GPD2: variants seen among roughly 807,000 people sequenced by gnomAD.
GPD2 encodes glycerol-3-phosphate dehydrogenase, mitochondrial.
GPD2 carries 54 observed loss-of-function variants against 82.4 expected under a neutral mutation model. That is an observed-to-expected ratio of 0.66 (90% CI 0.53 to 0.82). The LOEUF is 0.82. GPD2 is among the 40% of genes least tolerant of loss of function. The pLI is 0.00. For missense variants in GPD2, 748 were observed against 896.2 expected, an observed-to-expected ratio of 0.83 and a Z score of 2.11; for synonymous variants, 288 against 306.1, an observed-to-expected ratio of 0.94 and a Z score of 0.62.
intron 1 of GPD2, among the ~76,000 whole-genome samples, chr2:156,445,902 T>C (rs903701065): frequency 6.6e-6 from 1 of 152,176 alleles, no homozygotes; most frequent in African/African-American, 2.4e-5. Flanking sequence ...GGCCTGAAAA[T>C]AGATACAAGC....
intron 1 of GPD2, among the ~76,000 whole-genome samples, chr2:156,449,228 T>C (rs1438902033): frequency 1.3e-5 from 2 of 152,198 alleles, no homozygotes; most frequent in Admixed American, 1.3e-4. Context: ...GGCGTCATTA[T>C]TTAACCTACT....
intron 3 of GPD2, among the ~76,000 whole-genome samples, chr2:156,508,283 A>G (rs1684858633): frequency 6.6e-6 from 1 of 151,916 alleles, no homozygotes; most frequent in Non-Finnish European, 1.5e-5. Context: ...ACAACATGAC[A>G]GCTTGCTTTA....
rs528201199 is a variant in GPD2 at position 156,562,432 on chromosome 2, A to G, written c.1165+4850A>G. 7.2e-5 allele frequency among the ~76,000 whole-genome samples: 11 copies of G among 152,264 alleles called. No homozygotes were observed. The East Asian group carries it at 1.9e-3, about 27-fold the overall frequency. On this transcript the variant is annotated intron_variant, in intron 9 of 16. Transcript: ENST00000438166. Reference sequence around the variant, plus strand: ...CATTAGTTTATAAATGTAATATGGTATCTTATTTCTGTGATTAACACTTCA... The same window carrying G: ...CATTAGTTTATAAATGTAATATGGTGTCTTATTTCTGTGATTAACACTTCA...
the GPD2 span, among the ~76,000 whole-genome samples, chr2:156,413,177 G>T: frequency 6.6e-6 from 1 of 152,036 alleles, no homozygotes; most frequent in African/African-American, 2.4e-5. Flanking sequence ...AAACTGCATA[G>T]AGCCAAAATA....
At chr2:156,552,747 T>C (rs1461852439) in intron 8 of GPD2, among the ~76,000 whole-genome samples, 4 of 152,182 alleles carry the variant, frequency 2.6e-5, no homozygotes, top group African/African-American at 9.7e-5. Context: ...GGGCAAACAT[T>C]CTGCTCCTTC....
intron 6 of GPD2, among the ~76,000 whole-genome samples, chr2:156,520,157 T>C (rs1685347018): frequency 6.6e-6 from 1 of 152,182 alleles, no homozygotes; most frequent in Non-Finnish European, 1.5e-5. Flanking sequence ...GCCACTCCAC[T>C]CCTCTGCCGG....
At chr2:156,400,741 A>G in the GPD2 span, among the ~76,000 whole-genome samples, 145 of 152,346 alleles carry the variant, frequency 9.5e-4, 2 homozygotes, top group South Asian at 0.011. Context: ...CTGAATGAGT[A>G]TGGACACCAG....
intron 2 of GPD2, among the ~76,000 whole-genome samples, chr2:156,495,144 T>G (rs1684319915): frequency 1.3e-5 from 2 of 151,960 alleles, no homozygotes; most frequent in African/African-American, 2.4e-5. Flanking sequence ...ATTCTAGGAG[T>G]TCGAGACCAC....
At chr2:156,454,831 C>T (rs191640994) in intron 1 of GPD2, among the ~76,000 whole-genome samples, 2 of 152,204 alleles carry the variant, frequency 1.3e-5, no homozygotes, top group African/African-American at 2.4e-5. Flanking sequence ...TACCATGTGG[C>T]AGCTCCTGTT....
intron 3 of GPD2, among the ~76,000 whole-genome samples, chr2:156,506,164 G>C (rs539483048): frequency 1.3e-5 from 2 of 152,248 alleles, no homozygotes; most frequent in South Asian, 4.1e-4. Flanking sequence ...GAAAATTAAA[G>C]AAAATTTTTA....
At chr2:156,411,492 T>C in the GPD2 span, among the ~76,000 whole-genome samples, 2 of 152,038 alleles carry the variant, frequency 1.3e-5, no homozygotes, top group African/African-American at 4.8e-5. Context: ...ATTTTTGTAT[T>C]TTTAGTAGAG....
chr2:156,579,993 G>T lies in GPD2; in HGVS notation c.2058+205G>T, dbSNP rs56137431. 2.6e-5 allele frequency among the ~76,000 whole-genome samples: 4 copies of T among 152,042 alleles called. No homozygotes were observed. The South Asian group carries it at 6.2e-4, about 24-fold the overall frequency. On this transcript the variant is annotated intron_variant, in intron 16 of 16. Coordinates refer to ENST00000438166, the MANE Select transcript of GPD2 (RefSeq NM_000408.5). ...TGGTGCATATTCTTTTCCTTTTTTT[G>T]TATAAGAAACATTCCATTATGTTGG...
intron 6 of GPD2, among the ~76,000 whole-genome samples, chr2:156,547,585 C>A (rs1022083215): frequency 6.6e-6 from 1 of 152,056 alleles, no homozygotes; most frequent in African/African-American, 2.4e-5. Flanking sequence ...GGGGAGTGGA[C>A]ATAGAAAAAC....
At chr2:156,478,820 A>C (rs1448235045) in intron 2 of GPD2, among the ~76,000 whole-genome samples, 1 of 152,164 alleles carries the variant, frequency 6.6e-6, no homozygotes, top group African/African-American at 2.4e-5. Flanking sequence ...TACCTACTGT[A>C]TTTTTGTATT....
In GPD2 at chr2:156,559,203, T is replaced by C. The variant is rs547463954; in HGVS notation, c.1165+1621T>C. ...GTTTGTATATCACAACATTATATTA[T>C]AGGTAATAGTCCAAGATGTATTCTC... On this transcript the variant is annotated intron_variant, in intron 9 of 16. Coordinates refer to ENST00000438166, the MANE Select transcript of GPD2 (RefSeq NM_000408.5). Among the ~76,000 whole-genome samples, 5 of 152,274 alleles carry C rather than the reference T, an allele frequency of 3.3e-5. No individual in the cohort carries two copies. The East Asian group carries it at 9.7e-4, about 29-fold the overall frequency.
At chr2:156,465,361 CTTTTT>C (rs67390264) in intron 1 of GPD2, among the ~76,000 whole-genome samples, 265 of 114,890 alleles carry the variant, frequency 2.3e-3, no homozygotes, top group East Asian at 3.5e-3. Context: ...TTCTTTCTTT[CTTTTT>C]TTTTTTTTTT....
chr2:156,550,564 C>G (rs1415906610), intron 7 of GPD2, 38 bp from the exon 8 acceptor site: 1 of 1,607,178 alleles, frequency 6.2e-7, no homozygotes, highest in African/African-American at 1.3e-5. Flanking sequence ...AACAGAGAAA[C>G]AAATGAGGTG....
At chr2:156,507,203 G>T (rs1684817095) in intron 3 of GPD2, among the ~76,000 whole-genome samples, 1 of 151,838 alleles carries the variant, frequency 6.6e-6, no homozygotes. Context: ...GTAGAGATGG[G>T]GTTTTGCCAG....
intron 6 of GPD2, among the ~76,000 whole-genome samples, chr2:156,539,135 A>T (rs928726409): frequency 1.3e-5 from 2 of 152,216 alleles, no homozygotes; most frequent in Non-Finnish European, 2.9e-5. Flanking sequence ...TAACAAAAGG[A>T]GAAGGAAGGT....
Sources: gnomAD v4.1 joint callset for allele counts (sites outside exome capture counted in the v4.1 genomes callset) on GRCh38, gnomAD v4.1.1 for gene constraint, MANE v1.5 for transcripts, NCBI Gene and HGNC (gene_info 2026-07-23, HGNC 2026-07-21) for gene names.